The following NCOR1 variants were observed in gnomAD, a reference collection of about 807,000 sequenced individuals.
NCOR1 encodes the protein protein phosphatase 1, regulatory subunit 109.
In NCOR1, 63 loss-of-function variants were observed where a neutral mutation model predicts 288.1. The ratio of observed to expected loss-of-function variants is 0.22; its 90% confidence interval spans 0.18 to 0.27. The LOEUF is 0.27. NCOR1 is among the 10% of genes least tolerant of loss of function. The pLI, the probability that NCOR1 is intolerant of heterozygous loss-of-function variation, is 1.00. For synonymous variants in NCOR1, 1,007 were observed against 1,065.9 expected, an observed-to-expected ratio of 0.94 and a Z score of 1.08; for missense variants, 2,397 against 3,019.2, an observed-to-expected ratio of 0.79 and a Z score of 4.83.
chr17:16,175,164 C>T (rs781440253), intron 3 of NCOR1, among the ~76,000 whole-genome samples: 3 of 152,016 alleles, frequency 2.0e-5, no homozygotes, highest in Non-Finnish European at 4.4e-5. Context: ...GTCAGGAGTT[C>T]GAGACCAGCC....
At chr17:16,202,122 G>A (rs2090895256) in intron 1 of NCOR1, among the ~76,000 whole-genome samples, 3 of 151,812 alleles carry the variant, frequency 2.0e-5, no homozygotes, top group Admixed American at 6.6e-5. Flanking sequence ...TACTTGGGAG[G>A]CTGGGGCAGG....
rs2061036006 is a variant in NCOR1 at position 16,065,705 on chromosome 17, G to A, written c.4742-11C>T. On this transcript the variant is annotated splice_polypyrimidine_tract_variant and intron_variant, in intron 32 of 45. Coordinates refer to ENST00000268712, the MANE Select transcript of NCOR1 (RefSeq NM_006311.4). Reference sequence around the variant, plus strand: ...GGTAAGCAGCCGCTGCTGATTGAGAGAATGAAAGAAAGGCACTGAGTTTTG... The same window carrying A: ...GGTAAGCAGCCGCTGCTGATTGAGAAAATGAAAGAAAGGCACTGAGTTTTG... 1.2e-6 allele frequency: 2 copies of A among 1,613,330 alleles called. No individual in the cohort carries two copies. The highest frequency in any genetic ancestry group is 8.5e-7 in the Non-Finnish European group (1 of 1,179,300).
In NCOR1 at chr17:16,061,431, C is replaced by T; in HGVS notation, c.5851G>A (p.Gly1951Ser). The change falls in exon 37 of 46, where the codon GGC (glycine) becomes AGC (serine). Residue 1951 changes from glycine (G) to serine (S), a missense_variant. Gly to Ser is a moderately conservative substitution (Grantham distance 56, BLOSUM62 0). Around this residue, in one of 11 missense-constraint regions of NCOR1, gnomAD observed 1,872 missense variants for 2,187.8 expected, o/e 0.86. Transcript: ENST00000268712. ...CTAGAAGAGTCTGAACTTTGAGAGC[C>T]ACGTTCCCTCGCATCCTTGTCCGAG... ...IASDKDARER[G>S]SQSSDSSSSL... 1 of 1,614,178 alleles carries T rather than the reference C, an allele frequency of 6.2e-7. No individual in the cohort carries two copies. Among genetic ancestry groups the T allele is most frequent in the Non-Finnish European group, 8.5e-7 (1 of 1,180,036 alleles).
intron 10 of NCOR1, among the ~76,000 whole-genome samples, chr17:16,146,167 G>T (rs573256690): frequency 6.6e-6 from 1 of 151,986 alleles, no homozygotes; most frequent in Non-Finnish European, 1.5e-5. Context: ...GCAGAAGGCC[G>T]CAGGGTCCTC....
chr17:16,091,289 C>T (rs1324131399), intron 22 of NCOR1, among the ~76,000 whole-genome samples: 2 of 152,138 alleles, frequency 1.3e-5, no homozygotes, highest in East Asian at 1.9e-4. Flanking sequence ...ATAACAATAC[C>T]GAATGCTCCT....
chr17:16,195,667 G>A (rs1228804376), intron 1 of NCOR1, among the ~76,000 whole-genome samples: 1 of 152,158 alleles, frequency 6.6e-6, no homozygotes, highest in Non-Finnish European at 1.5e-5. Context: ...TGCTGTTGCT[G>A]CTACTTTCAC....
chr17:16,044,547 T>C (rs1274738092), intron 42 of NCOR1: 5 of 500,730 alleles, frequency 1.0e-5, no homozygotes, highest in East Asian at 6.0e-5. Context: ...TAAGGCCACG[T>C]TGGGATGAGG....
intron 14 of NCOR1, 31 bp from the exon 15 acceptor site, chr17:16,126,237 C>A: frequency 6.7e-7 from 1 of 1,503,672 alleles, no homozygotes; most frequent in South Asian, 1.4e-5. Flanking sequence ...TTGTAAAATT[C>A]AAAGGCAAAC....
intron 6 of NCOR1, among the ~76,000 whole-genome samples, chr17:16,157,720 A>G (rs896479841): frequency 5.9e-5 from 9 of 152,128 alleles, no homozygotes; most frequent in Non-Finnish European, 2.9e-5. Context: ...AAAGCATATT[A>G]TCATTTTTTG....
Position 16,064,906 on chromosome 17 carries a change from G to A in NCOR1, c.5065C>T (p.Pro1689Ser), listed in dbSNP as rs2152668981. The change falls in exon 34 of 46, where the codon CCT becomes TCT. Residue 1689 changes from proline to serine, a missense_variant. This residue lies in a region of NCOR1 where 1,872 missense variants were observed against 2,187.8 expected (regional missense o/e 0.86). Coordinates refer to ENST00000268712, the MANE Select transcript of NCOR1 (RefSeq NM_006311.4). ...TYIPGTQITF[P>S]PRPYNSASMS... is the part of the protein sequence containing the mutation. ...GAAGCAGAGTTGTACGGCCTGGGAG[G>A]GAAAGTAATCTGTGTACCAGGAATA... 1 of 1,613,348 alleles carries A rather than the reference G, an allele frequency of 6.2e-7. No individual in the cohort carries two copies. Among genetic ancestry groups the A allele is most frequent in the Non-Finnish European group, 8.5e-7 (1 of 1,179,522 alleles).
chr17:16,029,456 C>G lies in NCOR1; in HGVS notation c.*2840G>C, dbSNP rs1448252603. 3.5e-6 allele frequency: 1 copy of G among 285,220 alleles called. No homozygotes were observed. The highest frequency in any genetic ancestry group is 6.9e-6 in the Non-Finnish European group (1 of 145,052). 17.7% of individuals were successfully genotyped at this position (285,220 alleles called of 1,614,324 possible). A position where few individuals can be genotyped will look rare whatever the true frequency, so the allele number is the denominator to read the frequency against. On this transcript the variant is annotated 3_prime_UTR_variant, in exon 46 of 46. Transcript: ENST00000268712. ...TAAATATTTTTAAAATAGAATCACT[C>G]AGTGTACCAAAATTAAAAGCATTAT...
rs766104248 is a variant in NCOR1, at chr17:16,108,790, G to A, written c.2178C>T (p.Ser726=). 5 of 1,588,956 alleles carry A rather than the reference G, an allele frequency of 3.1e-6. No individual in the cohort carries two copies. The highest frequency in any genetic ancestry group is 3.6e-5 in the Admixed American group (2 of 54,856). The part of the protein sequence containing the change: ...ASNEEENPED[S]EVEAVKPSED... ...AAATTTAAAATTTTGAGATACCTTC[G>A]CTGTCTTCTGGATTTTCTTCTTCAT... The change falls in exon 19 of 46, where the codon AGC becomes AGT. Residue 726 remains serine (S), a synonymous_variant. Transcript: ENST00000268712.
intron 9 of NCOR1, among the ~76,000 whole-genome samples, chr17:16,147,517 C>A (rs977667442): frequency 4.6e-5 from 7 of 152,178 alleles, no homozygotes; most frequent in East Asian, 1.9e-4. Flanking sequence ...GACAGACGAA[C>A]CCTCCATTAT....
intron 3 of NCOR1, 88 bp from the exon 4 acceptor site, chr17:16,172,083 C>A: frequency 8.9e-7 from 1 of 1,129,138 alleles, no homozygotes; most frequent in South Asian, 1.7e-5. Context: ...TTTGAAATAA[C>A]AAATGAAAAA....
chr17:16,195,797 G>C (rs1222080483), intron 1 of NCOR1, among the ~76,000 whole-genome samples: 1 of 152,060 alleles, frequency 6.6e-6, no homozygotes, highest in Non-Finnish European at 1.5e-5. Flanking sequence ...CTGACTAATG[G>C]GAGAACAGGT....
chr17:16,179,247 T>A (rs2084888899), intron 3 of NCOR1, among the ~76,000 whole-genome samples: 2 of 152,020 alleles, frequency 1.3e-5, no homozygotes, highest in Admixed American at 6.6e-5. Flanking sequence ...TCAAAATAAC[T>A]TAGAATTCAT....
chr17:16,193,765 C>A lies in NCOR1; in HGVS notation c.108+697G>T, dbSNP rs550246240. On this transcript the variant is annotated intron_variant, in intron 2 of 45. Coordinates refer to ENST00000268712, the MANE Select transcript of NCOR1 (RefSeq NM_006311.4). ...TAAATGCCTCCCTACACAGGAACAA[C>A]GTAAGAATGTCCATTCTAACTCTGT... 7.9e-5 allele frequency among the ~76,000 whole-genome samples: 12 copies of A among 152,236 alleles called. No homozygotes were observed. The East Asian group carries it at 2.3e-3, about 29-fold the overall frequency.
chr17:16,039,846 A>G (rs1396149075), intron 43 of NCOR1, 192 bp from the exon 44 acceptor site: 26 of 544,798 alleles, frequency 4.8e-5, no homozygotes. Flanking sequence ...GCTGGAGTGC[A>G]GTGGCGCGAT....
At position 16,204,115 on chromosome 17, in the gene NCOR1, TAA is replaced by T. The variant is rs912071237; in HGVS notation, c.-70-9478_-70-9477del. On this transcript the variant is annotated intron_variant, in intron 1 of 45. Coordinates refer to ENST00000268712, the MANE Select transcript of NCOR1 (RefSeq NM_006311.4). ...AATCAAAGAGATCAAAATAAAATAA[TAA>T]GAGATCAAAATAAAATAATACACAA... Among the ~76,000 whole-genome samples, 20 of 152,098 alleles carry T rather than the reference TAA, an allele frequency of 1.3e-4. No homozygotes were observed. In the East Asian group the frequency reaches 2.3e-3, roughly 18 times the overall value.
Sources: gnomAD v4.1 joint callset for allele counts (sites outside exome capture counted in the v4.1 genomes callset) on GRCh38, gnomAD v4.1.1 for gene constraint, gnomAD v4.1.1 regional missense constraint, MANE v1.5 for transcripts, NCBI Gene and HGNC (gene_info 2026-07-23, HGNC 2026-07-21) for gene names.